Variants in CNTNAP5 observed in about 807,000 individuals in gnomAD.
The protein encoded by CNTNAP5 is contactin associated protein family member 5, also known as contactin-associated protein-like 5.
In CNTNAP5, 72 loss-of-function variants were observed where a neutral mutation model predicts 150.2. The ratio of observed to expected loss-of-function variants is 0.48; its 90% CI spans 0.40 to 0.58. CNTNAP5 has a LOEUF of 0.58. Among genes scored for constraint, CNTNAP5 ranks in the 20% least tolerant of loss-of-function variants. The pLI is 0.00. For missense variants in CNTNAP5, 1,636 were observed against 1,626.2 expected (o/e 1.01, Z -0.10); for synonymous variants, 672 against 619.8 (o/e 1.08, Z -1.25).
intron 9 of CNTNAP5, among the ~76,000 whole-genome samples, 164 bp from the exon 10 acceptor site, chr2:124,527,120 TG>T (rs2104889928): frequency 6.6e-6 from 1 of 152,328 alleles, no homozygotes; most frequent in South Asian, 2.1e-4. Flanking sequence ...GTACCAATTC[TG>T]TCCCCTCCCT....
At chr2:124,660,229 A>C (rs1678558421) in intron 13 of CNTNAP5, among the ~76,000 whole-genome samples, 1 of 152,196 alleles carries the variant, frequency 6.6e-6, no homozygotes. Context: ...GAGAGAACGC[A>C]CTGAGTCTGA....
At chr2:124,120,647 G>A (rs184282719) in intron 1 of CNTNAP5, among the ~76,000 whole-genome samples, 21 of 152,242 alleles carry the variant, frequency 1.4e-4, no homozygotes, top group South Asian at 4.2e-4. Flanking sequence ...ACAGAACCTC[G>A]ACTGCAATGT....
At chr2:124,657,685 G>A (rs932516435) in intron 13 of CNTNAP5, among the ~76,000 whole-genome samples, 1 of 152,128 alleles carries the variant, frequency 6.6e-6, no homozygotes, top group African/African-American at 2.4e-5. Flanking sequence ...GCAGAGCTCT[G>A]CCAGCCACAG....
At chr2:124,603,217 T>A (rs1335368393) in intron 11 of CNTNAP5, among the ~76,000 whole-genome samples, 2 of 152,202 alleles carry the variant, frequency 1.3e-5, no homozygotes, top group African/African-American at 4.8e-5. Context: ...AACATTCCAG[T>A]ATTGTAGATT....
chr2:124,713,074 A>C (rs1268841209), intron 13 of CNTNAP5, among the ~76,000 whole-genome samples: 1 of 152,130 alleles, frequency 6.6e-6, no homozygotes, highest in Non-Finnish European at 1.5e-5. Flanking sequence ...AGACCACAGC[A>C]TTTGGCTACC....
At chr2:124,053,756 G>A (rs1681772071) in intron 1 of CNTNAP5, among the ~76,000 whole-genome samples, 1 of 152,216 alleles carries the variant, frequency 6.6e-6, no homozygotes, top group African/African-American at 2.4e-5. Context: ...ACTCTGCTAT[G>A]CAATTTCTCA....
intron 1 of CNTNAP5, among the ~76,000 whole-genome samples, chr2:124,133,716 G>A (rs1321039067): frequency 1.3e-5 from 2 of 151,950 alleles, no homozygotes. Flanking sequence ...ATTATGTCAG[G>A]GATCAGCTAT....
rs1036535130 is a variant in CNTNAP5 at position 124,225,944 on chromosome 2, G to A, written c.187+4135G>A. Among the ~76,000 whole-genome samples the A allele has an allele frequency of 2.6e-5, 4 of 152,186 alleles. No homozygotes were observed. The East Asian group carries it at 7.7e-4, about 29-fold the overall frequency. ...AGGCTCATCTATGATGTTGCAAGTG[G>A]CAGGTTTTCTTTTTTATGGATGAAT... On this transcript the variant is annotated intron_variant, in intron 2 of 23. Transcript: ENST00000682447.
chr2:124,054,667 G>T (rs959500080), intron 1 of CNTNAP5, among the ~76,000 whole-genome samples: 1 of 152,136 alleles, frequency 6.6e-6, no homozygotes, highest in Non-Finnish European at 1.5e-5. Context: ...TCTCAGCCCC[G>T]TGGATCTTGG....
intron 22 of CNTNAP5, among the ~76,000 whole-genome samples, chr2:124,910,217 T>C (rs1051946401): frequency 2.6e-5 from 4 of 151,996 alleles, no homozygotes; most frequent in Non-Finnish European, 4.4e-5. Context: ...GCAAGTGCTG[T>C]GGTATGAAGA....
intron 8 of CNTNAP5, among the ~76,000 whole-genome samples, chr2:124,508,550 G>A (rs112400059): frequency 5.9e-5 from 9 of 152,258 alleles, no homozygotes; most frequent in South Asian, 2.1e-4. Flanking sequence ...TTAAGCGCAC[G>A]TCAGTCCATT....
intron 1 of CNTNAP5, among the ~76,000 whole-genome samples, chr2:124,093,502 TA>T (rs956019034): frequency 6.6e-6 from 1 of 152,242 alleles, no homozygotes; most frequent in Admixed American, 6.5e-5. Context: ...TGATTCTTGG[TA>T]AATGCCTGAA....
At chr2:124,101,073 C>A (rs753160173) in intron 1 of CNTNAP5, among the ~76,000 whole-genome samples, 1 of 152,048 alleles carries the variant, frequency 6.6e-6, no homozygotes, top group Non-Finnish European at 1.5e-5. Flanking sequence ...ACCCATAGAA[C>A]TTGGTCAACC....
chr2:124,042,775 C>T (rs1681410492), intron 1 of CNTNAP5, among the ~76,000 whole-genome samples: 1 of 146,000 alleles, frequency 6.8e-6, no homozygotes, highest in African/African-American at 2.5e-5. Flanking sequence ...ATAAGCGTAA[C>T]TCTCTATCAT....
At chr2:124,407,375 G>T (rs970938286) in intron 3 of CNTNAP5, among the ~76,000 whole-genome samples, 5 of 152,072 alleles carry the variant, frequency 3.3e-5, no homozygotes, top group African/African-American at 1.2e-4. Context: ...ATTTTTTTGA[G>T]GGTGGGTTGT....
intron 16 of CNTNAP5, among the ~76,000 whole-genome samples, chr2:124,765,524 T>C (rs1162542555): frequency 2.0e-5 from 3 of 152,186 alleles, no homozygotes; most frequent in Admixed American, 2.0e-4. Flanking sequence ...TCTAGAGTTC[T>C]ATGTATTAAC....
rs1380146995 is a variant in CNTNAP5, at chr2:124,915,455, A to T, written c.*1167A>T. On this transcript the variant is annotated 3_prime_UTR_variant, in exon 24 of 24. Transcript: ENST00000682447. ...GACCTGGTGAAGATAGTTAATTCAAATTTGCAAGTTTCACATTTTTTAACA... is the reference window on the plus strand; with the variant it reads ...GACCTGGTGAAGATAGTTAATTCAATTTTGCAAGTTTCACATTTTTTAACA... Among the ~76,000 whole-genome samples the T allele has an allele frequency of 6.6e-6, 1 of 152,036 alleles. No homozygotes were observed.
chr2:124,333,506 G>A (rs1689398769), intron 3 of CNTNAP5, among the ~76,000 whole-genome samples: 1 of 152,052 alleles, frequency 6.6e-6, no homozygotes, highest in Non-Finnish European at 1.5e-5. Flanking sequence ...GAACAAAGAG[G>A]AAGATTTAAA....
intron 19 of CNTNAP5, among the ~76,000 whole-genome samples, chr2:124,800,032 G>T (rs936942127): frequency 6.6e-6 from 1 of 152,174 alleles, no homozygotes; most frequent in Non-Finnish European, 1.5e-5. Flanking sequence ...TGCCCATCAG[G>T]GCTTTGTGAG....
Sources: allele counts gnomAD v4.1 joint callset (sites outside exome capture counted in the v4.1 genomes callset), GRCh38; gene constraint gnomAD v4.1.1; transcripts MANE v1.5; gene names NCBI Gene and HGNC (gene_info 2026-07-23, HGNC 2026-07-21).